Variants in LHFPL3 observed in about 807,000 individuals in gnomAD.
LHFPL3 encodes the protein LHFPL tetraspan subfamily member 3, also known as LHFPL tetraspan subfamily member 3 protein.
Under a neutral mutation model 19.3 loss-of-function variants are expected in LHFPL3, and 5 were observed. The ratio of observed to expected loss-of-function variants is 0.26; its 90% confidence interval spans 0.14 to 0.54. LHFPL3 has a LOEUF of 0.54. Ranked by LOEUF, LHFPL3 falls within the 20% of genes least tolerant of loss-of-function variation. The pLI, the probability that LHFPL3 is intolerant of heterozygous loss-of-function variation, is 0.94. For missense variants in LHFPL3, 249 were observed against 307.4 expected, an observed-to-expected ratio of 0.81 and a Z score of 1.42; for synonymous variants, 133 against 126.2, an observed-to-expected ratio of 1.05 and a Z score of -0.36.
chr7:104,864,956 G>C (rs1791692003), intron 2 of LHFPL3, among the ~76,000 whole-genome samples: 1 of 152,176 alleles, frequency 6.6e-6, no homozygotes, highest in Non-Finnish European at 1.5e-5. Flanking sequence ...CTGATAGCCA[G>C]GCAAACAGGG....
intron 1 of LHFPL3, among the ~76,000 whole-genome samples, chr7:104,352,794 A>G (rs1212853262): frequency 6.6e-6 from 1 of 152,218 alleles, no homozygotes; most frequent in African/African-American, 2.4e-5. Context: ...TCACTTCCAC[A>G]TCTCCAGCCA....
At chr7:104,676,473 A>G (rs1234403909) in intron 1 of LHFPL3, among the ~76,000 whole-genome samples, 1 of 152,250 alleles carries the variant, frequency 6.6e-6, no homozygotes, top group Non-Finnish European at 1.5e-5. Context: ...AATCAGATGT[A>G]AAAGCAAAGA....
At chr7:104,529,624 A>C (rs192478366) in intron 1 of LHFPL3, among the ~76,000 whole-genome samples, 1 of 152,340 alleles carries the variant, frequency 6.6e-6, no homozygotes, top group East Asian at 1.9e-4. Flanking sequence ...CCCATGTTAA[A>C]GTAGTCATCC....
chr7:104,693,496 G>A (rs1027133474), intron 1 of LHFPL3, among the ~76,000 whole-genome samples: 1 of 152,028 alleles, frequency 6.6e-6, no homozygotes, highest in Non-Finnish European at 1.5e-5. Flanking sequence ...AATCATGGGG[G>A]CAGTTTCCCC....
chr7:104,588,919 G>T (rs544649156), intron 1 of LHFPL3, among the ~76,000 whole-genome samples: 1,830 of 152,262 alleles, frequency 0.012, 12 homozygotes, highest in Non-Finnish European at 0.019. Context: ...CTCTCTGTCT[G>T]TTATTGGTGT....
intron 1 of LHFPL3, among the ~76,000 whole-genome samples, chr7:104,544,228 T>C (rs1212838747): frequency 2.6e-5 from 4 of 152,136 alleles, no homozygotes; most frequent in African/African-American, 7.2e-5. Context: ...TTTCAGTAAT[T>C]ATTCCAATGA....
At chr7:104,498,459 A>C (rs1793531997) in intron 1 of LHFPL3, among the ~76,000 whole-genome samples, 1 of 150,814 alleles carries the variant, frequency 6.6e-6, no homozygotes, top group African/African-American at 2.4e-5. Context: ...TATTTGTTGC[A>C]TTCACATATA....
chr7:104,636,919 T>A (rs1791739153), intron 1 of LHFPL3, among the ~76,000 whole-genome samples: 1 of 152,222 alleles, frequency 6.6e-6, no homozygotes, highest in African/African-American at 2.4e-5. Flanking sequence ...GATTGCTGGG[T>A]TGAATGGTAG....
At chr7:104,684,206 T>C (rs1039432545) in intron 1 of LHFPL3, among the ~76,000 whole-genome samples, 3 of 152,220 alleles carry the variant, frequency 2.0e-5, no homozygotes, top group African/African-American at 7.2e-5. Context: ...CAGGTGAGGA[T>C]GAGGAGGGAG....
intron 2 of LHFPL3, among the ~76,000 whole-genome samples, chr7:104,777,960 A>T (rs1163601706): frequency 1.3e-5 from 2 of 152,146 alleles, no homozygotes; most frequent in African/African-American, 4.8e-5. Context: ...TTTTATGTCT[A>T]AGAGAGACAT....
At chr7:104,543,377 C>T (rs529408937) in intron 1 of LHFPL3, among the ~76,000 whole-genome samples, 1 of 151,844 alleles carries the variant, frequency 6.6e-6, no homozygotes, top group African/African-American at 2.4e-5. Context: ...GGATCTAGAA[C>T]TAGAAATACC....
intron 2 of LHFPL3, among the ~76,000 whole-genome samples, chr7:104,891,653 C>T (rs990030788): frequency 5.9e-5 from 9 of 152,222 alleles, no homozygotes; most frequent in Admixed American, 1.3e-4. Context: ...ATAAAATGAA[C>T]GCCTGGGCAG....
chr7:104,885,874 C>G (rs1792137885), intron 2 of LHFPL3, among the ~76,000 whole-genome samples: 1 of 152,158 alleles, frequency 6.6e-6, no homozygotes, highest in Non-Finnish European at 1.5e-5. Context: ...CCGGTTCACC[C>G]TGATGGCCCA....
At chr7:104,722,207 T>C (rs1311697595) in intron 1 of LHFPL3, among the ~76,000 whole-genome samples, 5 of 152,166 alleles carry the variant, frequency 3.3e-5, no homozygotes, top group Non-Finnish European at 7.4e-5. Flanking sequence ...GGACTCCAGA[T>C]CATCTGCTTA....
At chr7:104,476,865 T>C (rs958191583) in intron 1 of LHFPL3, among the ~76,000 whole-genome samples, 2 of 152,168 alleles carry the variant, frequency 1.3e-5, no homozygotes, top group Admixed American at 6.5e-5. Flanking sequence ...GCATACTCCA[T>C]AGAAGCACGT....
intron 2 of LHFPL3, among the ~76,000 whole-genome samples, chr7:104,823,718 C>T (rs962201478): frequency 6.6e-6 from 1 of 152,116 alleles, no homozygotes; most frequent in Admixed American, 6.6e-5. Flanking sequence ...CTTGACGGAG[C>T]CTTTCAATTT....
intron 2 of LHFPL3, among the ~76,000 whole-genome samples, chr7:104,790,715 A>C (rs763893247): frequency 2.0e-5 from 3 of 152,206 alleles, no homozygotes; most frequent in Non-Finnish European, 2.9e-5. Context: ...ATTCTAGTGC[A>C]GTGAAATTCA....
intron 1 of LHFPL3, among the ~76,000 whole-genome samples, chr7:104,435,966 G>T (rs1450043606): frequency 1.3e-5 from 2 of 151,966 alleles, no homozygotes; most frequent in Non-Finnish European, 2.9e-5. Flanking sequence ...TTTTGGATTT[G>T]CATTTAAGTG....
chr7:104,741,638 C>G (rs946433989), intron 2 of LHFPL3, among the ~76,000 whole-genome samples: 2 of 151,754 alleles, frequency 1.3e-5, no homozygotes, highest in African/African-American at 4.8e-5. Context: ...TGGGTGCAAG[C>G]GATCCTCCTG....
Sources: gnomAD v4.1 joint callset for allele counts (sites outside exome capture counted in the v4.1 genomes callset) on GRCh38, gnomAD v4.1.1 for gene constraint, MANE v1.5 for transcripts, NCBI Gene and HGNC (gene_info 2026-07-23, HGNC 2026-07-21) for gene names.